The following AATF variants were observed in gnomAD, a reference collection of about 807,000 sequenced individuals.
AATF encodes the protein protein AATF.
Under a neutral mutation model 63.7 loss-of-function variants are expected in AATF, and 48 were observed. That is an observed-to-expected ratio of 0.75 (90% CI 0.60 to 0.96). The LOEUF is 0.96. Among genes scored for constraint, AATF ranks in the 40% least tolerant of loss-of-function variants. The probability of loss-of-function intolerance (pLI) is 0.00; values close to 1 mark genes in which losing one functional copy is unlikely to be tolerated. For synonymous variants in AATF, 258 were observed against 247.7 expected, an observed-to-expected ratio of 1.04 and a Z score of -0.39; for missense variants, 639 against 685.7, an observed-to-expected ratio of 0.93 and a Z score of 0.76.
At chr17:36,984,352 G>C (rs930509250) in intron 4 of AATF, among the ~76,000 whole-genome samples, 3 of 152,212 alleles carry the variant, frequency 2.0e-5, no homozygotes, top group Non-Finnish European at 2.9e-5. Context: ...AAATGTGAGT[G>C]ATCTATGAAA....
intron 1 of AATF, 98 bp downstream of exon 1, chr17:36,949,314 C>G: frequency 8.5e-7 from 1 of 1,182,668 alleles, no homozygotes; most frequent in Non-Finnish European, 1.2e-6. Context: ...GCCGCCGGGC[C>G]TGCGCTCCTT....
chr17:37,041,675 T>G (rs1272659192), intron 11 of AATF, among the ~76,000 whole-genome samples: 3 of 152,110 alleles, frequency 2.0e-5, no homozygotes, highest in African/African-American at 7.2e-5. Context: ...CCGGCTAATT[T>G]TGTATTTTTA....
intron 10 of AATF, among the ~76,000 whole-genome samples, chr17:37,022,651 A>G (rs1034381887): frequency 3.9e-5 from 6 of 152,190 alleles, no homozygotes; most frequent in African/African-American, 1.4e-4. Context: ...ATTGATTAGT[A>G]GTTACTTTGG....
In AATF at chr17:36,953,128, G is replaced by A. The variant is rs201302577; in HGVS notation, c.526G>A (p.Glu176Lys). ...DLGSSEEEED[E>K]ESGMEEGDDA... ...TGGGAGCAGTGAGGAGGAGGAAGAC[G>A]AAGAGAGTGGCATGGAAGAAGGGGA... Residue 176 changes from glutamate (E) to lysine (K), a missense_variant, in exon 3 of 12, where the codon GAA becomes AAA. Transcript: ENST00000619387. The A allele has an allele frequency of 5.6e-5, 90 of 1,614,160 alleles. 1 individual carries two copies. Among genetic ancestry groups the A allele is most frequent in the South Asian group, 4.0e-4 (36 of 91,078 alleles).
At chr17:37,032,826 A>G (rs1407653113) in intron 11 of AATF, among the ~76,000 whole-genome samples, 1 of 152,158 alleles carries the variant, frequency 6.6e-6, no homozygotes, top group African/African-American at 2.4e-5. Flanking sequence ...ATATTGTTAT[A>G]ATATTTATTT....
chr17:36,952,525 C>G (rs998077482), intron 2 of AATF, among the ~76,000 whole-genome samples: 6 of 152,244 alleles, frequency 3.9e-5, no homozygotes, highest in African/African-American at 1.4e-4. Flanking sequence ...AGGGCCAGAG[C>G]AAATGCTAGC....
intron 4 of AATF, among the ~76,000 whole-genome samples, chr17:36,973,834 G>T (rs898962219): frequency 2.6e-5 from 4 of 152,172 alleles, no homozygotes; most frequent in Non-Finnish European, 5.9e-5. Flanking sequence ...CCTTTGGGAG[G>T]CCGAGGCAGG....
At chr17:36,968,916 T>G (rs968411002) in intron 4 of AATF, among the ~76,000 whole-genome samples, 1 of 152,218 alleles carries the variant, frequency 6.6e-6, no homozygotes, top group East Asian at 1.9e-4. Context: ...ATGTGAACTT[T>G]AGCGCCTGGC....
chr17:37,044,869 G>T (rs1386217502), intron 11 of AATF, among the ~76,000 whole-genome samples: 1 of 152,188 alleles, frequency 6.6e-6, no homozygotes, highest in Admixed American at 6.5e-5. Context: ...TTGAGTTAGA[G>T]ATACTCACCA....
At chr17:37,052,233 A>G (rs1352772902) in intron 11 of AATF, 1 of 152,198 alleles carries the variant, frequency 6.6e-6, no homozygotes, top group Non-Finnish European at 1.5e-5. Flanking sequence ...AGGGGACCTC[A>G]GGTATGAAAC....
At chr17:37,026,305 T>C (rs1041559507) in intron 10 of AATF, among the ~76,000 whole-genome samples, 3 of 152,200 alleles carry the variant, frequency 2.0e-5, no homozygotes, top group Non-Finnish European at 4.4e-5. Flanking sequence ...TGTAAGTTCA[T>C]GTGTGTTGAA....
chr17:37,029,851 G>T (rs1253375699), intron 10 of AATF, among the ~76,000 whole-genome samples: 1 of 151,978 alleles, frequency 6.6e-6, no homozygotes, highest in Non-Finnish European at 1.5e-5. Flanking sequence ...ACAGGTGTGA[G>T]CCACCGTGCC....
chr17:37,028,660 C>T (rs1262767333), intron 10 of AATF, among the ~76,000 whole-genome samples: 1 of 152,036 alleles, frequency 6.6e-6, no homozygotes, highest in Admixed American at 6.6e-5. Context: ...GTGGTACACT[C>T]CTGTAGTTCC....
chr17:36,975,705 G>A (rs2071074821), intron 4 of AATF, among the ~76,000 whole-genome samples: 1 of 152,144 alleles, frequency 6.6e-6, no homozygotes, highest in Non-Finnish European at 1.5e-5. Flanking sequence ...CAGGAGCTAG[G>A]CATATATAAA....
At chr17:37,046,763 A>ACACACACACG (rs2071696539) in intron 11 of AATF, among the ~76,000 whole-genome samples, 1 of 150,880 alleles carries the variant, frequency 6.6e-6, no homozygotes, top group Non-Finnish European at 1.5e-5. Context: ...ACACACACAC[A>ACACACACACG]CACACACGCA....
At chr17:36,952,847 A>G in intron 2 of AATF, 39 bp from the exon 3 acceptor site, 1 of 1,594,498 alleles carries the variant, frequency 6.3e-7, no homozygotes, top group Non-Finnish European at 8.6e-7. Context: ...TTCTCCAGGT[A>G]ATACCCATTT....
Position 36,971,408 on chromosome 17 carries a change from C to T in AATF, c.833-15209C>T, listed in dbSNP as rs181185298. On this transcript the variant is annotated intron_variant, in intron 4 of 11. Transcript: ENST00000619387. ...CTATTAGGCCAAACACAAATACACACCTGACAACACCAAGTGCTGGGAAGA... is the reference window on the plus strand; with the variant it reads ...CTATTAGGCCAAACACAAATACACATCTGACAACACCAAGTGCTGGGAAGA... 1.7e-4 allele frequency among the ~76,000 whole-genome samples: 26 copies of T among 152,298 alleles called. No individual in the cohort carries two copies. In the East Asian group the frequency reaches 4.6e-3, roughly 27 times the overall value.
chr17:36,954,047 C>G, intron 4 of AATF, 140 bp downstream of exon 4: 1 of 817,706 alleles, frequency 1.2e-6, no homozygotes, highest in Non-Finnish European at 1.9e-6. Flanking sequence ...TCCCCATCCC[C>G]CTTGGCTTTC....
chr17:36,968,566 G>A (rs896032404), intron 4 of AATF, among the ~76,000 whole-genome samples: 3 of 151,754 alleles, frequency 2.0e-5, no homozygotes, highest in Admixed American at 6.6e-5. Flanking sequence ...GTAAGCTACC[G>A]TGGATGGCCT....
Sources: gnomAD v4.1 joint callset for allele counts (sites outside exome capture counted in the v4.1 genomes callset) on GRCh38, gnomAD v4.1.1 for gene constraint, MANE v1.5 for transcripts, NCBI Gene and HGNC (gene_info 2026-07-23, HGNC 2026-07-21) for gene names.